EDA: variants seen among roughly 807,000 people sequenced by gnomAD.
EDA encodes the protein ectodysplasin-A.
EDA carries 2 observed loss-of-function variants against 23.6 expected under a neutral mutation model. The observed-to-expected ratio is 0.08, with a 90% confidence interval of 0.03 to 0.27. EDA has a LOEUF of 0.27. Among genes scored for constraint, EDA ranks in the 10% least tolerant of loss-of-function variants. The pLI, the probability that EDA is intolerant of heterozygous loss-of-function variation, is 1.00. For missense variants in EDA, 229 were observed against 324.2 expected (o/e 0.71, Z 2.26); for synonymous variants, 131 against 132.0 (o/e 0.99, Z 0.05).
intron 1 of EDA, among the ~76,000 whole-genome samples, chrX:69,902,632 A>T (rs1389487264): frequency 1.8e-5 from 2 of 112,132 alleles, no homozygotes. Flanking sequence ...GAGTTATTTG[A>T]TCTGGCAGTT....
intron 1 of EDA, among the ~76,000 whole-genome samples, chrX:69,877,995 G>C (rs184528618): frequency 5.6e-4 from 63 of 111,767 alleles, no homozygotes; most frequent in African/African-American, 1.9e-3. Context: ...ATTTCTGGAT[G>C]CTCTCTTTGT....
intron 2 of EDA, among the ~76,000 whole-genome samples, chrX:69,967,205 G>A (rs1445682892): frequency 1.8e-5 from 2 of 111,246 alleles, no homozygotes; most frequent in Non-Finnish European, 3.8e-5. Flanking sequence ...GCATAATGAA[G>A]ACAAAGAAGG....
At chrX:69,856,254 G>GGTGTGTGTGTGT (rs202079519) in intron 1 of EDA, among the ~76,000 whole-genome samples, 200 of 74,922 alleles carry the variant, frequency 2.7e-3, no homozygotes, top group South Asian at 4.4e-3. Context: ...AGTATTCCAT[G>GGTGTGTGTGTGT]GTGTGTGTGT....
At position 69,955,194 on chromosome X, in the gene EDA, C is replaced by G. The variant is rs183142382; in HGVS notation, c.397-1833C>G. Reference sequence around the variant, plus strand: ...GTTAAGTAACTTTCTGTGGGCTTATCAGGAGAACTAGCCAAACTTTATTAT... The same window carrying G: ...GTTAAGTAACTTTCTGTGGGCTTATGAGGAGAACTAGCCAAACTTTATTAT... On this transcript the variant is annotated intron_variant, in intron 1 of 7. Transcript: ENST00000374552. Among the ~76,000 whole-genome samples, 3 of 111,714 alleles carry G rather than the reference C, an allele frequency of 2.7e-5. No individual in the cohort carries two copies. In the East Asian group the frequency reaches 8.4e-4, roughly 31 times the overall value.
At chrX:69,987,807 T>C (rs778833626) in intron 2 of EDA, among the ~76,000 whole-genome samples, 8 of 111,296 alleles carry the variant, frequency 7.2e-5, no homozygotes, top group Non-Finnish European at 1.1e-4. Flanking sequence ...TTGCTCTTAA[T>C]CCACTACTAG....
intron 1 of EDA, among the ~76,000 whole-genome samples, chrX:69,808,106 A>G (rs2015857596): frequency 8.9e-6 from 1 of 111,787 alleles, no homozygotes; most frequent in Admixed American, 9.5e-5. Flanking sequence ...CAAATTGTAC[A>G]GCCAGTGACA....
chrX:69,629,878 T>C (rs1194700759), intron 1 of EDA, among the ~76,000 whole-genome samples: 5 of 111,727 alleles, frequency 4.5e-5, no homozygotes, highest in Admixed American at 1.9e-4. Context: ...GTACCTCAAC[T>C]TCTTGGCTTT....
chrX:69,808,935 T>C (rs181031720), intron 1 of EDA, among the ~76,000 whole-genome samples: 1 of 111,687 alleles, frequency 9.0e-6, no homozygotes, highest in East Asian at 2.8e-4. Context: ...GCATTAGCCA[T>C]ATTGGGCTCA....
intron 1 of EDA, among the ~76,000 whole-genome samples, chrX:69,954,255 T>G (rs1012528614): frequency 3.6e-5 from 4 of 111,346 alleles, no homozygotes; most frequent in African/African-American, 1.3e-4. Flanking sequence ...CTTTTTCCTC[T>G]GAACCTTTAA....
In EDA at chrX:69,616,267, A is replaced by T; in HGVS notation, c.-42A>T. 1 of 1,157,003 alleles carries T rather than the reference A, an allele frequency of 8.6e-7. No individual in the cohort carries two copies. The highest frequency in any genetic ancestry group is 1.1e-6 in the Non-Finnish European group (1 of 873,172). The stretch of plus-strand genomic sequence containing the variant: ...GGTCGTGAACGGCTGAGGCAGACGC[A>T]GCGGCTCCCGGGCCTCAAGAGAGTG... On this transcript the variant is annotated 5_prime_UTR_variant, in exon 1 of 8. Coordinates refer to ENST00000374552, the MANE Select transcript of EDA (RefSeq NM_001399.5).
chrX:69,753,270 T>C (rs2013965827), intron 1 of EDA, among the ~76,000 whole-genome samples: 2 of 112,065 alleles, frequency 1.8e-5, no homozygotes, highest in Non-Finnish European at 3.8e-5. Flanking sequence ...GATTCTGGTA[T>C]GTTGTGTCTT....
chrX:69,790,058 G>A (rs2015355940), intron 1 of EDA, among the ~76,000 whole-genome samples: 1 of 111,754 alleles, frequency 8.9e-6, no homozygotes, highest in African/African-American at 3.2e-5. Flanking sequence ...TTATCAGCAT[G>A]GTGGCTGCTT....
At chrX:69,618,587 A>G (rs1342970410) in intron 1 of EDA, among the ~76,000 whole-genome samples, 1 of 111,586 alleles carries the variant, frequency 9.0e-6, no homozygotes, top group Non-Finnish European at 1.9e-5. Flanking sequence ...AGGTCACATA[A>G]CTAGAGTCAA....
At chrX:69,939,394 T>C (rs1488075053) in intron 1 of EDA, among the ~76,000 whole-genome samples, 1 of 110,321 alleles carries the variant, frequency 9.1e-6, no homozygotes, top group Non-Finnish European at 1.9e-5. Flanking sequence ...TTTTTCAGAT[T>C]GTTTGCTGCT....
intron 2 of EDA, among the ~76,000 whole-genome samples, chrX:70,016,051 A>C (rs888610754): frequency 4.1e-4 from 45 of 110,558 alleles, no homozygotes; most frequent in Non-Finnish European, 7.6e-4. Context: ...GAAAGAAAAA[A>C]AAAAACAAAA....
intron 1 of EDA, among the ~76,000 whole-genome samples, chrX:69,708,780 T>A (rs904748136): frequency 2.7e-5 from 3 of 110,659 alleles, no homozygotes; most frequent in African/African-American, 9.9e-5. Context: ...AAAATAGATC[T>A]ATAATATATC....
At chrX:69,929,370 G>GT (rs1331792413) in intron 1 of EDA, among the ~76,000 whole-genome samples, 1 of 111,596 alleles carries the variant, frequency 9.0e-6, no homozygotes, top group Admixed American at 9.6e-5. Context: ...CATTCTTGCT[G>GT]TTTTTTGGCA....
At chrX:69,956,302 T>A (rs2019000803) in intron 1 of EDA, among the ~76,000 whole-genome samples, 2 of 101,454 alleles carry the variant, frequency 2.0e-5, no homozygotes, top group Admixed American at 1.1e-4. Context: ...TTTCTTTCTT[T>A]CTTTCTTTCT....
intron 1 of EDA, among the ~76,000 whole-genome samples, chrX:69,853,268 A>G (rs1329739152): frequency 8.9e-6 from 1 of 112,372 alleles, no homozygotes; most frequent in African/African-American, 3.2e-5. Flanking sequence ...AAATATAATC[A>G]TTAAAATTAG....
Sources: allele counts gnomAD v4.1 joint callset (sites outside exome capture counted in the v4.1 genomes callset), GRCh38; gene constraint gnomAD v4.1.1; transcripts MANE v1.5; gene names NCBI Gene and HGNC (gene_info 2026-07-23, HGNC 2026-07-21).